Variants in EXOC2 observed in about 807,000 individuals in gnomAD.
EXOC2 encodes the protein exocyst complex component 2, also known as SEC5-like 1.
In EXOC2, 70 loss-of-function variants were observed where a neutral mutation model predicts 131.8. The observed-to-expected ratio is 0.53, with a 90% CI of 0.44 to 0.65. The LOEUF (loss-of-function observed/expected upper bound fraction) is 0.65. EXOC2 is among the 30% of genes least tolerant of loss of function. EXOC2 has a pLI of 0.00. For synonymous variants in EXOC2, 411 were observed against 398.4 expected (o/e 1.03, Z -0.38); for missense variants, 923 against 1,108.6 (o/e 0.83, Z 2.38).
chr6:647,607 T>C (rs1472537349), intron 1 of EXOC2, among the ~76,000 whole-genome samples: 1 of 120,836 alleles, frequency 8.3e-6, no homozygotes, highest in East Asian at 2.4e-4. Flanking sequence ...TTTGTGAATG[T>C]GACCGCTCAC....
intron 1 of EXOC2, among the ~76,000 whole-genome samples, chr6:640,421 A>G (rs1392168184): frequency 6.6e-6 from 1 of 152,202 alleles, no homozygotes; most frequent in Non-Finnish European, 1.5e-5. Flanking sequence ...GACAAACAAG[A>G]AAAAAACACA....
At chr6:614,635 C>A (rs750995121) in intron 6 of EXOC2, among the ~76,000 whole-genome samples, 4 of 151,992 alleles carry the variant, frequency 2.6e-5, no homozygotes, top group Non-Finnish European at 5.9e-5. Flanking sequence ...AGAATCTAAA[C>A]CATCAAAAGT....
chr6:675,643 T>C lies in EXOC2; in HGVS notation c.-44+17376A>G, dbSNP rs1764082844. 1.5e-4 allele frequency among the ~76,000 whole-genome samples: 4 copies of C among 25,882 alleles called. 1 individual carries two copies. The highest frequency in any genetic ancestry group is 1.6e-3 in the South Asian group (1 of 614). The allele number at this position is 25,882 out of a possible 152,430, so 17.0% of individuals were successfully genotyped here. On this transcript the variant is annotated intron_variant, in intron 1 of 27. Transcript: ENST00000230449. ...CAGCATTACAGAAAGGACAGGTTCC[T>C]CTGGCGACTGCAGTTCCCCATACTC...
At chr6:503,879 G>T (rs1764371318) in intron 23 of EXOC2, among the ~76,000 whole-genome samples, 1 of 152,174 alleles carries the variant, frequency 6.6e-6, no homozygotes, top group Admixed American at 6.5e-5. Flanking sequence ...TTCCTCCTCA[G>T]CCTGTCCCGT....
At chr6:535,931 A>T (rs1007099677) in intron 22 of EXOC2, among the ~76,000 whole-genome samples, 1 of 152,234 alleles carries the variant, frequency 6.6e-6, no homozygotes, top group Non-Finnish European at 1.5e-5. Flanking sequence ...AATAAATTTT[A>T]AAAACATATC....
At chr6:562,112 A>G (rs1429885938) in intron 17 of EXOC2, among the ~76,000 whole-genome samples, 2 of 152,176 alleles carry the variant, frequency 1.3e-5, no homozygotes, top group Non-Finnish European at 2.9e-5. Context: ...CACAGGGAAG[A>G]AGGATGGAGG....
intron 1 of EXOC2, among the ~76,000 whole-genome samples, chr6:678,158 G>A (rs913805306): frequency 3.3e-5 from 5 of 152,188 alleles, no homozygotes; most frequent in Non-Finnish European, 7.3e-5. Flanking sequence ...AAGAACACTG[G>A]TGTCATTAAC....
chr6:530,104 T>C (rs1368201395), intron 23 of EXOC2, among the ~76,000 whole-genome samples: 2 of 152,338 alleles, frequency 1.3e-5, no homozygotes, highest in Non-Finnish European at 2.9e-5. Flanking sequence ...ATGAGCACTC[T>C]CACTCATTCC....
At chr6:525,672 C>T (rs1254339594) in intron 23 of EXOC2, 1 of 152,024 alleles carries the variant, frequency 6.6e-6, no homozygotes, top group Non-Finnish European at 1.5e-5. Context: ...ATCTATTCTG[C>T]CCCAATATTT....
intron 23 of EXOC2, among the ~76,000 whole-genome samples, chr6:528,166 C>A (rs1003460700): frequency 6.6e-6 from 1 of 151,912 alleles, no homozygotes; most frequent in East Asian, 1.9e-4. Context: ...AACATCGCTA[C>A]GGCTTTAACG....
At chr6:587,499 C>T (rs1037451354) in intron 11 of EXOC2, among the ~76,000 whole-genome samples, 4 of 152,226 alleles carry the variant, frequency 2.6e-5, no homozygotes, top group Non-Finnish European at 5.9e-5. Context: ...CAGCCTCAGC[C>T]TCCCAAAGTG....
chr6:674,852 T>C (rs1032201485), intron 1 of EXOC2, among the ~76,000 whole-genome samples: 1 of 152,072 alleles, frequency 6.6e-6, no homozygotes, highest in African/African-American at 2.4e-5. Flanking sequence ...TTGCCTGGTC[T>C]GAATACCCTT....
At chr6:661,919 C>T (rs1431106291) in intron 1 of EXOC2, among the ~76,000 whole-genome samples, 1 of 152,188 alleles carries the variant, frequency 6.6e-6, no homozygotes, top group African/African-American at 2.4e-5. Flanking sequence ...TCAGCTAACA[C>T]ATAAGGACTC....
intron 1 of EXOC2, among the ~76,000 whole-genome samples, chr6:692,769 G>A (rs1764996559): frequency 6.6e-6 from 1 of 152,170 alleles, no homozygotes. Flanking sequence ...CGGCGCAGGT[G>A]GGGACCGCGG....
chr6:634,524 G>T (rs1365525845), intron 2 of EXOC2, among the ~76,000 whole-genome samples: 1 of 152,024 alleles, frequency 6.6e-6, no homozygotes, highest in Non-Finnish European at 1.5e-5. Context: ...TAAAATGGAG[G>T]CACAAAGTCA....
intron 23 of EXOC2, among the ~76,000 whole-genome samples, chr6:505,589 C>T (rs992285473): frequency 1.3e-5 from 2 of 152,220 alleles, no homozygotes; most frequent in African/African-American, 4.8e-5. Flanking sequence ...AGGACGGCCC[C>T]GCCCCACCCC....
intron 17 of EXOC2, among the ~76,000 whole-genome samples, chr6:556,788 A>G (rs965572436): frequency 2.0e-5 from 3 of 152,230 alleles, no homozygotes; most frequent in Admixed American, 1.3e-4. Flanking sequence ...TCCAAAGTAT[A>G]TCTAATTCAA....
intron 23 of EXOC2, among the ~76,000 whole-genome samples, chr6:529,968 T>C (rs1018097416): frequency 6.6e-6 from 1 of 152,260 alleles, no homozygotes; most frequent in African/African-American, 2.4e-5. Context: ...AGAGTTTAAA[T>C]AGTTAAACAG....
chr6:586,512 A>G (rs1024205819), intron 11 of EXOC2, among the ~76,000 whole-genome samples: 8 of 152,226 alleles, frequency 5.3e-5, no homozygotes, highest in Non-Finnish European at 1.0e-4. Flanking sequence ...GAATTCACCT[A>G]TGTATAGCAA....
Sources: gnomAD v4.1 joint callset for allele counts (sites outside exome capture counted in the v4.1 genomes callset) on GRCh38, gnomAD v4.1.1 for gene constraint, MANE v1.5 for transcripts, NCBI Gene and HGNC (gene_info 2026-07-23, HGNC 2026-07-21) for gene names.